Variants in LPP observed in about 807,000 individuals in gnomAD.
The protein encoded by LPP is lipoma-preferred partner.
A neutral mutation model predicts 60.4 loss-of-function variants in LPP; 38 were observed. That is an observed-to-expected ratio of 0.63 (90% CI 0.49 to 0.83). The LOEUF (loss-of-function observed/expected upper bound fraction) is 0.83, where lower values mean the gene tolerates loss of function less well. Ranked by LOEUF, LPP falls within the 40% of genes least tolerant of loss-of-function variation. The pLI is 0.00. For synonymous variants in LPP, 328 were observed against 290.8 expected, an observed-to-expected ratio of 1.13 and a Z score of -1.30; for missense variants, 902 against 783.6, an observed-to-expected ratio of 1.15 and a Z score of -1.80.
At chr3:188,331,572 A>G (rs975222397) in intron 2 of LPP, among the ~76,000 whole-genome samples, 2 of 152,204 alleles carry the variant, frequency 1.3e-5, no homozygotes, top group African/African-American at 4.8e-5. Flanking sequence ...AGATAGCTCT[A>G]ATTCCCCCAT....
chr3:188,617,400 A>T (rs2151499799), intron 7 of LPP, among the ~76,000 whole-genome samples: 1 of 152,280 alleles, frequency 6.6e-6, no homozygotes, highest in Non-Finnish European at 1.5e-5. Context: ...GGTCAGAAGT[A>T]AGTGACCTTT....
chr3:188,289,821 C>G (rs1256895076), intron 2 of LPP, among the ~76,000 whole-genome samples: 2 of 152,112 alleles, frequency 1.3e-5, no homozygotes, highest in African/African-American at 2.4e-5. Flanking sequence ...TTTGTAAAAT[C>G]CTCAATTTAA....
chr3:188,219,609 G>T (rs185419490), intron 1 of LPP, among the ~76,000 whole-genome samples: 3 of 152,248 alleles, frequency 2.0e-5, no homozygotes, highest in Admixed American at 2.0e-4. Context: ...CCACAGTTTT[G>T]CTGTGAAACA....
At chr3:188,531,335 T>C (rs1250775120) in intron 6 of LPP, among the ~76,000 whole-genome samples, 1 of 152,212 alleles carries the variant, frequency 6.6e-6, no homozygotes, top group Non-Finnish European at 1.5e-5. Context: ...TCTTTTGTTC[T>C]AACATTATTT....
At chr3:188,602,121 T>C (rs1232562166) in intron 6 of LPP, among the ~76,000 whole-genome samples, 4 of 125,254 alleles carry the variant, frequency 3.2e-5, no homozygotes, top group Non-Finnish European at 6.9e-5. Context: ...CACACACACA[T>C]ATATATAGCA....
intron 2 of LPP, among the ~76,000 whole-genome samples, chr3:188,286,718 A>T (rs938402573): frequency 2.0e-5 from 3 of 152,144 alleles, no homozygotes; most frequent in Admixed American, 6.5e-5. Flanking sequence ...TAAATGAGCC[A>T]TTCTGTTTTT....
chr3:188,836,231 G>A (rs1191903751), intron 9 of LPP, among the ~76,000 whole-genome samples: 7 of 152,148 alleles, frequency 4.6e-5, no homozygotes, highest in Non-Finnish European at 1.0e-4. Context: ...CACATCTTGA[G>A]CCTTAAACTC....
chr3:188,522,879 CAT>C (rs10629624), intron 5 of LPP, among the ~76,000 whole-genome samples: 2,101 of 139,704 alleles, frequency 0.015, 28 homozygotes, highest in South Asian at 0.054. Flanking sequence ...ATGTTTGAGA[CAT>C]ATATGTGTGT....
intron 8 of LPP, chr3:188,746,486 A>C (rs926113215): frequency 2.1e-6 from 1 of 484,848 alleles, no homozygotes; most frequent in Non-Finnish European, 4.1e-6. Flanking sequence ...TGAACTTAAC[A>C]GAATGCTGAT....
At chr3:188,394,228 A>G (rs570461300) in intron 3 of LPP, among the ~76,000 whole-genome samples, 23 of 152,360 alleles carry the variant, frequency 1.5e-4, no homozygotes, top group Non-Finnish European at 1.2e-4. Flanking sequence ...CCTGAAATAT[A>G]TAAAGGTCTG....
chr3:188,604,272 G>A (rs1470643108), intron 6 of LPP, among the ~76,000 whole-genome samples: 1 of 152,048 alleles, frequency 6.6e-6, no homozygotes, highest in East Asian at 1.9e-4. Flanking sequence ...TCTGGGATTT[G>A]TGGTATTGTG....
intron 5 of LPP, among the ~76,000 whole-genome samples, chr3:188,504,702 G>A (rs1171919411): frequency 6.6e-6 from 1 of 151,508 alleles, no homozygotes; most frequent in Admixed American, 6.6e-5. Flanking sequence ...CCCTGGTTAT[G>A]TGCCATGACT....
chr3:188,561,688 A>C (rs1269911142), intron 6 of LPP, among the ~76,000 whole-genome samples: 1 of 152,016 alleles, frequency 6.6e-6, no homozygotes, highest in African/African-American at 2.4e-5. Context: ...ATTGTCTAGC[A>C]TGTTCTACTT....
At chr3:188,602,597 C>T (rs1841588580) in intron 6 of LPP, among the ~76,000 whole-genome samples, 1 of 151,846 alleles carries the variant, frequency 6.6e-6, no homozygotes, top group Non-Finnish European at 1.5e-5. Flanking sequence ...TGCACATTTA[C>T]TCTTGGAATC....
intron 6 of LPP, among the ~76,000 whole-genome samples, chr3:188,597,051 A>T (rs1840127782): frequency 6.6e-6 from 1 of 152,110 alleles, no homozygotes; most frequent in South Asian, 2.1e-4. Context: ...TAGGCTTATT[A>T]TTAAGTCTGA....
intron 6 of LPP, 134 bp downstream of exon 6, chr3:188,524,921 T>TC: frequency 1.6e-6 from 1 of 609,898 alleles, no homozygotes. Context: ...CCTTCCTTCC[T>TC]TCCTTCCTTC....
At chr3:188,661,114 A>G (rs1021448765) in intron 7 of LPP, among the ~76,000 whole-genome samples, 11 of 152,046 alleles carry the variant, frequency 7.2e-5, no homozygotes, top group African/African-American at 2.7e-4. Flanking sequence ...CCATATTGCC[A>G]TTTTACTGAA....
At chr3:188,186,589 GT>G (rs5855183) in intron 1 of LPP, among the ~76,000 whole-genome samples, 67,338 of 147,750 alleles carry the variant, frequency 0.46, 15,608 homozygotes, top group Non-Finnish European at 0.54. Context: ...TTTTTTCTAA[GT>G]TTTTTTTTTT....
chr3:188,378,641 C>A (rs1775953408), intron 3 of LPP, among the ~76,000 whole-genome samples: 3 of 152,256 alleles, frequency 2.0e-5, no homozygotes, highest in Admixed American at 2.0e-4. Flanking sequence ...AAAGGGAATT[C>A]CCTGACCCCT....
Sources: allele counts gnomAD v4.1 joint callset (sites outside exome capture counted in the v4.1 genomes callset), GRCh38; gene constraint gnomAD v4.1.1; transcripts MANE v1.5; gene names NCBI Gene and HGNC (gene_info 2026-07-23, HGNC 2026-07-21).